Variants in PADI2 observed in about 807,000 individuals in gnomAD.
PADI2 encodes the protein peptidyl arginine deiminase 2.
Under a neutral mutation model 81.1 loss-of-function variants are expected in PADI2, and 70 were observed. That is an observed-to-expected ratio of 0.86 (90% CI 0.71 to 1.05). The LOEUF is 1.05. PADI2 is among the 50% of genes least tolerant of loss of function. The probability of loss-of-function intolerance (pLI) is 0.00; values close to 1 mark genes in which losing one functional copy is unlikely to be tolerated. For synonymous variants in PADI2, 338 were observed against 358.0 expected, an observed-to-expected ratio of 0.94 and a Z score of 0.63; for missense variants, 853 against 889.9, an observed-to-expected ratio of 0.96 and a Z score of 0.53.
At chr1:17,090,430 C>T (rs187423952) in intron 6 of PADI2, among the ~76,000 whole-genome samples, 1 of 152,228 alleles carries the variant, frequency 6.6e-6, no homozygotes, top group Non-Finnish European at 1.5e-5. Context: ...TCCAACCCAG[C>T]CCCCTGGCCT....
chr1:17,085,767 A>G (rs1930346945), intron 7 of PADI2, among the ~76,000 whole-genome samples: 3 of 152,184 alleles, frequency 2.0e-5, no homozygotes, highest in African/African-American at 4.8e-5. Flanking sequence ...TCACCTTTCT[A>G]TAGCACCCAT....
chr1:17,085,073 A>G (rs2078375545), intron 7 of PADI2, among the ~76,000 whole-genome samples: 1 of 152,168 alleles, frequency 6.6e-6, no homozygotes, highest in Non-Finnish European at 1.5e-5. Context: ...TGTCCCATCA[A>G]ACTTCTCTTC....
chr1:17,075,855 A>G, intron 11 of PADI2, 32 bp from the exon 12 acceptor site: 8 of 1,606,450 alleles, frequency 5.0e-6, no homozygotes, highest in Non-Finnish European at 6.8e-6. Flanking sequence ...GTTTCAGCAA[A>G]TTACCCACCG....
rs370920785 is a variant in PADI2, at chr1:17,093,616, G to A, written c.480C>T (p.Pro160=). ...CACGGCAGTCCTCCTTGGGCAACCA[G>A]GGTGTCTCTCGGTCACAGTTCACCA... is the stretch of plus-strand genomic sequence containing the variant. The part of the protein sequence containing the change: ...ILLVNCDRET[P]WLPKEDCRDE... Residue 160 remains proline, a synonymous_variant, in exon 5 of 16, where the codon CCC becomes CCT. Transcript: ENST00000375486. 3.1e-6 allele frequency: 5 copies of A among 1,614,058 alleles called. No homozygotes were observed. In the South Asian group the frequency reaches 5.5e-5, roughly 18 times the overall value.
chr1:17,109,671 A>G (rs72905855), intron 1 of PADI2, among the ~76,000 whole-genome samples: 19,067 of 151,648 alleles, frequency 0.13, 1,615 homozygotes, highest in African/African-American at 0.24. Context: ...TTGTATTTTT[A>G]GTAGAGATGG....
chr1:17,084,029 G>A (rs942999307), intron 8 of PADI2, among the ~76,000 whole-genome samples, 192 bp from the exon 9 acceptor site: 8 of 152,104 alleles, frequency 5.3e-5, no homozygotes, highest in South Asian at 2.1e-4. Flanking sequence ...CTCATGTGGC[G>A]TTTGTCAAGG....
In PADI2 at chr1:17,068,682, C is replaced by T. The variant is rs538359791; in HGVS notation, c.*362G>A. On this transcript the variant is annotated 3_prime_UTR_variant, in exon 16 of 16. Coordinates refer to ENST00000375486, the MANE Select transcript of PADI2 (RefSeq NM_007365.3). ...CATGGCTGCTGGAAGAACTGGCAAT[C>T]CCAGAATCTCCTTCCCTTCTCCCCT... 1 of 234,466 alleles carries T rather than the reference C, an allele frequency of 4.3e-6. No homozygotes were observed. The highest frequency in any genetic ancestry group is 8.5e-6 in the Non-Finnish European group (1 of 117,812). The allele number at this position is 234,466 out of a possible 1,614,324, so 14.5% of individuals were successfully genotyped here.
At position 17,083,762 on chromosome 1, in the gene PADI2, G is replaced by A. The variant is rs376268721; in HGVS notation, c.1014C>T (p.Cys338=). The change falls in exon 9 of 16, where the codon TGC becomes TGT. Residue 338 remains cysteine, a synonymous_variant. Coordinates refer to ENST00000375486, the MANE Select transcript of PADI2 (RefSeq NM_007365.3). The stretch of plus-strand genomic sequence containing the variant: ...GATCGCCTCGGTTTAGGTACTGGAA[G>A]CAGACCTTCAGCTCACAGTTGGTTT... ...VEKTNCELKV[C]FQYLNRGDRW... 8.7e-6 allele frequency: 14 copies of A among 1,613,630 alleles called. No homozygotes were observed. The highest frequency in any genetic ancestry group is 1.3e-5 in the African/African-American group (1 of 74,914).
chr1:17,079,230 C>T, intron 11 of PADI2, 34 bp downstream of exon 11: 1 of 1,596,420 alleles, frequency 6.3e-7, no homozygotes, highest in Admixed American at 1.7e-5. Flanking sequence ...TTCCCCACTC[C>T]CACAGCCCCT....
At chr1:17,087,400 C>T (rs1167020720) in intron 6 of PADI2, among the ~76,000 whole-genome samples, 3 of 152,212 alleles carry the variant, frequency 2.0e-5, no homozygotes, top group African/African-American at 7.2e-5. Flanking sequence ...ACAATCCAGC[C>T]CAGTTTCCCC....
chr1:17,107,563 C>G (rs1931427635), intron 1 of PADI2, among the ~76,000 whole-genome samples: 1 of 152,238 alleles, frequency 6.6e-6, no homozygotes, highest in African/African-American at 2.4e-5. Context: ...TAACATGCTT[C>G]CAGGAACTGT....
chr1:17,077,771 T>G (rs2078314770), intron 11 of PADI2, among the ~76,000 whole-genome samples: 1 of 152,186 alleles, frequency 6.6e-6, no homozygotes, highest in Non-Finnish European at 1.5e-5. Context: ...CGGAGGAAAC[T>G]GGCGGCCAAA....
chr1:17,071,828 A>G, intron 13 of PADI2, among the ~76,000 whole-genome samples: 1 of 152,212 alleles, frequency 6.6e-6, no homozygotes, highest in East Asian at 1.9e-4. Flanking sequence ...AAGGATGAGC[A>G]GCTGACCAGC....
chr1:17,105,104 A>T, intron 1 of PADI2, 43 bp from the exon 2 acceptor site: 1 of 1,388,000 alleles, frequency 7.2e-7, no homozygotes, highest in Non-Finnish European at 9.6e-7. Flanking sequence ...GCCCTGGGGT[A>T]GGTGGGATGA....
chr1:17,107,775 T>C (rs1437035727), intron 1 of PADI2, among the ~76,000 whole-genome samples: 1 of 152,030 alleles, frequency 6.6e-6, no homozygotes, highest in Non-Finnish European at 1.5e-5. Flanking sequence ...GGCAGGAGAA[T>C]TGGGAAGGAC....
chr1:17,070,763 G>T (rs1013973997), intron 14 of PADI2, among the ~76,000 whole-genome samples: 11 of 152,098 alleles, frequency 7.2e-5, no homozygotes, highest in Non-Finnish European at 1.6e-4. Flanking sequence ...CTGGGTTCAA[G>T]TGATTCTTCT....
intron 10 of PADI2, 55 bp from the exon 11 acceptor site, chr1:17,079,470 C>T: frequency 6.9e-7 from 1 of 1,453,988 alleles, no homozygotes; most frequent in Non-Finnish European, 9.5e-7. Context: ...TCCTCAGCCC[C>T]CAAGCCAGCC....
chr1:17,073,882 C>T (rs1385037049), intron 13 of PADI2, among the ~76,000 whole-genome samples: 2 of 152,220 alleles, frequency 1.3e-5, no homozygotes, highest in African/African-American at 2.4e-5. Flanking sequence ...CTCATCCCGA[C>T]TATGTCTGTC....
At position 17,119,380 on chromosome 1, in the gene PADI2, C is replaced by A; in HGVS notation, c.-9G>T. 6.6e-7 allele frequency: 1 copy of A among 1,524,758 alleles called. No individual in the cohort carries two copies. The highest frequency in any genetic ancestry group is 8.8e-7 in the Non-Finnish European group (1 of 1,135,970). 94.5% of individuals were successfully genotyped at this position (1,524,758 alleles called of 1,614,324 possible). A position where few individuals can be genotyped will look rare whatever the true frequency, so the allele number is the denominator to read the frequency against. The stretch of plus-strand genomic sequence containing the variant: ...GTCCGCTCGCGCAGCATCCTCCCCG[C>A]CGCAGTGCCCGCGCTCGCTGGTCCG... On this transcript the variant is annotated 5_prime_UTR_variant, in exon 1 of 16. Transcript: ENST00000375486. The surrounding 1 kb of genome is among the most constrained non-coding windows in gnomAD (Gnocchi z 4.8).
Sources: allele counts gnomAD v4.1 joint callset (sites outside exome capture counted in the v4.1 genomes callset), GRCh38; gene constraint gnomAD v4.1.1; non-coding constraint Gnocchi (gnomAD v3.1); transcripts MANE v1.5; gene names NCBI Gene and HGNC (gene_info 2026-07-23, HGNC 2026-07-21).